Variants in SLC39A9 observed in about 807,000 individuals in gnomAD.
The protein encoded by SLC39A9 is zinc transporter ZIP9.
In SLC39A9, 14 loss-of-function variants were observed where a neutral mutation model predicts 28.4. The observed-to-expected ratio is 0.49, with a 90% CI of 0.33 to 0.77. The LOEUF is 0.77. Ranked by LOEUF, SLC39A9 falls within the 30% of genes least tolerant of loss-of-function variation. SLC39A9 has a pLI of 0.02. For missense variants in SLC39A9, 283 were observed against 381.1 expected, an observed-to-expected ratio of 0.74 and a Z score of 2.14; for synonymous variants, 119 against 149.6, an observed-to-expected ratio of 0.80 and a Z score of 1.49.
intron 6 of SLC39A9, 83 bp from the exon 7 acceptor site, chr14:69,458,280 T>C (rs1418907990): frequency 1.3e-6 from 2 of 1,534,352 alleles, no homozygotes; most frequent in Non-Finnish European, 1.8e-6. Context: ...TTAAGAACAG[T>C]GAGTGTTTTT....
At chr14:69,435,501 A>G (rs557463843) in intron 2 of SLC39A9, among the ~76,000 whole-genome samples, 6 of 152,218 alleles carry the variant, frequency 3.9e-5, no homozygotes, top group African/African-American at 1.4e-4. Flanking sequence ...CTAGTTTGAC[A>G]ACCTCTGTCT....
chr14:69,453,336 T>C, intron 4 of SLC39A9, 27 bp downstream of exon 4: 2 of 1,606,646 alleles, frequency 1.2e-6, no homozygotes, highest in Non-Finnish European at 1.7e-6. Flanking sequence ...GTGGAACTTC[T>C]TTGTTTTCTA....
chr14:69,454,899 TAAGC>T lies in SLC39A9; in HGVS notation c.558+5_558+8del. On this transcript the variant is annotated splice_donor_5th_base_variant and intron_variant, in intron 5 of 6. Coordinates refer to ENST00000336643, the MANE Select transcript of SLC39A9 (RefSeq NM_018375.5). Reference sequence around the variant, plus strand: ...TTTGTGGCAATCATGCTACATAAGGTAAGCAACATTTTGGTGTAAGGTTTGGTAT... The same window carrying T: ...TTTGTGGCAATCATGCTACATAAGGTAACATTTTGGTGTAAGGTTTGGTAT... 6.2e-7 allele frequency: 1 copy of T among 1,612,314 alleles called. No homozygotes were observed. Among genetic ancestry groups the T allele is most frequent in the Non-Finnish European group, 8.5e-7 (1 of 1,178,858 alleles).
chr14:69,443,623 C>T (rs1000069566), intron 3 of SLC39A9, among the ~76,000 whole-genome samples: 2 of 152,272 alleles, frequency 1.3e-5, no homozygotes, highest in East Asian at 3.9e-4. Context: ...AATCCTAGCA[C>T]TTTGGGAGGC....
chr14:69,407,226 A>G (rs529343575), intron 1 of SLC39A9, among the ~76,000 whole-genome samples: 27 of 151,468 alleles, frequency 1.8e-4, no homozygotes, highest in Non-Finnish European at 3.2e-4. Context: ...ACATCAAACT[A>G]TCTATTGCAA....
chr14:69,410,362 T>G (rs1411177186), intron 1 of SLC39A9, among the ~76,000 whole-genome samples: 1 of 152,160 alleles, frequency 6.6e-6, no homozygotes, highest in Non-Finnish European at 1.5e-5. Flanking sequence ...TAGAAGCTTT[T>G]TTTTGCATGC....
At chr14:69,415,569 A>G (rs947296167) in intron 1 of SLC39A9, among the ~76,000 whole-genome samples, 1 of 152,194 alleles carries the variant, frequency 6.6e-6, no homozygotes, top group Non-Finnish European at 1.5e-5. Context: ...CCAGTACCCC[A>G]ACCACTGGAA....
At chr14:69,446,420 C>T (rs1168481804) in intron 3 of SLC39A9, among the ~76,000 whole-genome samples, 1 of 151,238 alleles carries the variant, frequency 6.6e-6, no homozygotes, top group Non-Finnish European at 1.5e-5. Flanking sequence ...TACAAGTGAG[C>T]TTGGAACATC....
chr14:69,435,560 C>A (rs1387340929), intron 2 of SLC39A9, among the ~76,000 whole-genome samples: 2 of 152,184 alleles, frequency 1.3e-5, no homozygotes, highest in Non-Finnish European at 2.9e-5. Context: ...TTCTGTAAAG[C>A]ATCAGATAGT....
intron 1 of SLC39A9, among the ~76,000 whole-genome samples, chr14:69,400,251 G>C (rs987232710): frequency 8.5e-5 from 13 of 152,138 alleles, no homozygotes; most frequent in African/African-American, 3.1e-4. Context: ...TTTAAAGAAG[G>C]GGAGCCTTGG....
Position 69,399,145 on chromosome 14 carries a change from A to G in SLC39A9, c.-225A>G. On this transcript the variant is annotated 5_prime_UTR_variant, in exon 1 of 7. Transcript: ENST00000336643. ...CTGAGAACCCAGAGCCTGGGACCTT[A>G]GATTGCTGTAAGCTTTCTCTGGTGC... 1 of 516,730 alleles carries G rather than the reference A, an allele frequency of 1.9e-6. No homozygotes were observed. The allele number at this position is 516,730 out of a possible 1,614,324, so 32.0% of individuals were successfully genotyped here.
At chr14:69,407,323 CCTTCCTTT>C (rs1882988634) in intron 1 of SLC39A9, among the ~76,000 whole-genome samples, 5 of 140,480 alleles carry the variant, frequency 3.6e-5, no homozygotes, top group South Asian at 4.6e-4. Context: ...TTCCTTCCTT[CCTTCCTTT>C]CTTCCTTCCT....
chr14:69,405,100 C>G (rs1255990794), intron 1 of SLC39A9, among the ~76,000 whole-genome samples: 1 of 152,140 alleles, frequency 6.6e-6, no homozygotes, highest in Non-Finnish European at 1.5e-5. Context: ...GTCACAAGAA[C>G]AGCAAGAACT....
chr14:69,412,567 A>G (rs529490859), intron 1 of SLC39A9, among the ~76,000 whole-genome samples: 19 of 152,260 alleles, frequency 1.2e-4, no homozygotes, highest in African/African-American at 4.3e-4. Context: ...GTTCCGCTAC[A>G]TTTGTGTAAT....
At position 69,461,719 on chromosome 14, in the gene SLC39A9, C is replaced by T; in HGVS notation, c.*3126C>T. 2 of 1,535,864 alleles carry T rather than the reference C, an allele frequency of 1.3e-6. No homozygotes were observed. The highest frequency in any genetic ancestry group is 1.7e-6 in the Non-Finnish European group (2 of 1,146,838). On this transcript the variant is annotated 3_prime_UTR_variant, in exon 7 of 7. Transcript: ENST00000336643. ...AAGGATTAGAACTAAGAGGACACAC[C>T]AGCATCGGAGTGTATTAAGCCCCTG...
rs1246706721 is a variant in SLC39A9 at position 69,459,610 on chromosome 14, C to T, written c.*1017C>T. Reference sequence around the variant, plus strand: ...GCAGATCAGCAATCCCTCTAGGGACCTAAATACTAGGTCAGCTTTGGCGAC... The same window carrying T: ...GCAGATCAGCAATCCCTCTAGGGACTTAAATACTAGGTCAGCTTTGGCGAC... On this transcript the variant is annotated 3_prime_UTR_variant, in exon 7 of 7. Coordinates refer to ENST00000336643, the MANE Select transcript of SLC39A9 (RefSeq NM_018375.5). 1.0e-6 allele frequency: 1 copy of T among 978,874 alleles called. No homozygotes were observed. The highest frequency in any genetic ancestry group is 1.2e-6 in the Non-Finnish European group (1 of 825,782). The allele number at this position is 978,874 out of a possible 1,614,324, so 60.6% of individuals were successfully genotyped here.
At chr14:69,434,273 AG>A (rs760609118) in intron 2 of SLC39A9, among the ~76,000 whole-genome samples, 1 of 150,830 alleles carries the variant, frequency 6.6e-6, no homozygotes, top group Non-Finnish European at 1.5e-5. Flanking sequence ...TAGTGGAGAC[AG>A]GGTTTCACCA....
chr14:69,437,928 T>A (rs879561303), intron 2 of SLC39A9, among the ~76,000 whole-genome samples: 21 of 152,202 alleles, frequency 1.4e-4, no homozygotes, highest in Admixed American at 2.0e-4. Context: ...GTCTCCAGAT[T>A]TTTTACATCT....
At chr14:69,408,354 A>G (rs1239437406) in intron 1 of SLC39A9, among the ~76,000 whole-genome samples, 3 of 152,174 alleles carry the variant, frequency 2.0e-5, no homozygotes, top group Non-Finnish European at 2.9e-5. Context: ...TCTCTCTTCA[A>G]ATTACTTTAT....
Sources: gnomAD v4.1 joint callset for allele counts (sites outside exome capture counted in the v4.1 genomes callset) on GRCh38, gnomAD v4.1.1 for gene constraint, MANE v1.5 for transcripts, NCBI Gene and HGNC (gene_info 2026-07-23, HGNC 2026-07-21) for gene names.